CCDC50: variants seen among roughly 807,000 people sequenced by gnomAD.
CCDC50 encodes coiled-coil domain containing 50, also known as coiled-coil domain-containing protein 50.
In CCDC50, 54 loss-of-function variants were observed where a neutral mutation model predicts 70.2. The ratio of observed to expected loss-of-function variants is 0.77; its 90% CI spans 0.62 to 0.96. The LOEUF (loss-of-function observed/expected upper bound fraction) is 0.96. Ranked by LOEUF, CCDC50 falls within the 50% of genes least tolerant of loss-of-function variation. CCDC50 has a pLI of 0.00. For missense variants in CCDC50, 558 were observed against 578.7 expected, an observed-to-expected ratio of 0.96 and a Z score of 0.37; for synonymous variants, 216 against 198.8, an observed-to-expected ratio of 1.09 and a Z score of -0.73.
chr3:191,342,776 T>G (rs1232087752), intron 1 of CCDC50, among the ~76,000 whole-genome samples: 1 of 152,204 alleles, frequency 6.6e-6, no homozygotes, highest in African/African-American at 2.4e-5. Flanking sequence ...GGAATAAAAA[T>G]AAAATGAATT....
chr3:191,335,551 T>C (rs534698082), intron 1 of CCDC50, among the ~76,000 whole-genome samples: 2 of 152,270 alleles, frequency 1.3e-5, no homozygotes, highest in African/African-American at 2.4e-5. Flanking sequence ...TTCTCAGATA[T>C]TGCTTTTAAA....
At position 191,394,956 on chromosome 3, in the gene CCDC50, G is replaced by A. The variant is rs958642664; in HGVS notation, c.*3196G>A. 8 of 152,128 alleles carry A rather than the reference G, an allele frequency of 5.3e-5. No individual in the cohort carries two copies. Among genetic ancestry groups the A allele is most frequent in the African/African-American group, 1.9e-4 (8 of 41,430 alleles). The allele number at this position is 152,128 out of a possible 1,614,324, so 9.4% of individuals were successfully genotyped here. On this transcript the variant is annotated 3_prime_UTR_variant, in exon 12 of 12. Transcript: ENST00000392455. Reference sequence around the variant, plus strand: ...TTCCCAAGTTACTTTACAACCAGCAGCAGCATACCAATAAATTACAAAAGC... The same window carrying A: ...TTCCCAAGTTACTTTACAACCAGCAACAGCATACCAATAAATTACAAAAGC...
chr3:191,346,962 C>T (rs947398841), intron 1 of CCDC50, among the ~76,000 whole-genome samples: 1 of 99,014 alleles, frequency 1.0e-5, no homozygotes, highest in Non-Finnish European at 2.5e-5. Flanking sequence ...CCCAGTCTGC[C>T]ATTTAGGACC....
chr3:191,389,701 A>G, intron 11 of CCDC50, 99 bp downstream of exon 11: 1 of 896,670 alleles, frequency 1.1e-6, no homozygotes, highest in African/African-American at 1.6e-5. Flanking sequence ...CTAGAGTGGA[A>G]AAATAAGTTA....
rs1457833226 is a variant in CCDC50, at chr3:191,396,188, T to C, written c.*4428T>C. 6.6e-6 allele frequency: 1 copy of C among 152,186 alleles called. No individual in the cohort carries two copies. The highest frequency in any genetic ancestry group is 1.5e-5 in the Non-Finnish European group (1 of 68,002). 9.4% of individuals were successfully genotyped at this position (152,186 alleles called of 1,614,324 possible). ...TCACTTTTACAATGAGACCTGCACT[T>C]TATGCCAGCACTGTTTGTGAGGAGC... is the stretch of plus-strand genomic sequence containing the variant. On this transcript the variant is annotated 3_prime_UTR_variant, in exon 12 of 12. Transcript: ENST00000392455.
At chr3:191,354,292 C>T (rs1309879990) in intron 1 of CCDC50, among the ~76,000 whole-genome samples, 4 of 152,134 alleles carry the variant, frequency 2.6e-5, no homozygotes, top group South Asian at 2.1e-4. Context: ...TGCCCCTCTT[C>T]GTCTCTCTGG....
chr3:191,344,799 G>A (rs1230067785), intron 1 of CCDC50, among the ~76,000 whole-genome samples: 5 of 152,124 alleles, frequency 3.3e-5, no homozygotes, highest in East Asian at 1.9e-4. Flanking sequence ...GGCTGGTCTC[G>A]AACTCGGGAG....
chr3:191,370,688 C>T (rs1028728329), intron 5 of CCDC50, among the ~76,000 whole-genome samples: 3 of 151,838 alleles, frequency 2.0e-5, no homozygotes, highest in Non-Finnish European at 4.4e-5. Context: ...GAGGTTTCAC[C>T]ATGTTGGCCA....
Position 191,352,137 on chromosome 3 carries a change from G to A in CCDC50, c.50-4951G>A, listed in dbSNP as rs913027057. Among the ~76,000 whole-genome samples, 2 of 141,796 alleles carry A rather than the reference G, an allele frequency of 1.4e-5. 1 individual carries two copies. The highest frequency in any genetic ancestry group is 4.4e-4 in the South Asian group (2 of 4,540). The allele number at this position is 141,796 out of a possible 152,430, so 93.0% of individuals were successfully genotyped here. A position where few individuals can be genotyped will look rare whatever the true frequency, so the allele number is the denominator to read the frequency against. Reference sequence around the variant, plus strand: ...AGAATTTTCTTTAGTACAACTAATTGTCTTTAGTACAGTGTTTATTAACTT... The same window carrying A: ...AGAATTTTCTTTAGTACAACTAATTATCTTTAGTACAGTGTTTATTAACTT... On this transcript the variant is annotated intron_variant, in intron 1 of 11. Coordinates refer to ENST00000392455, the MANE Select transcript of CCDC50 (RefSeq NM_178335.3).
intron 10 of CCDC50, among the ~76,000 whole-genome samples, chr3:191,386,216 ATTTTTT>A (rs76983981): frequency 4.8e-5 from 6 of 125,736 alleles, no homozygotes; most frequent in African/African-American, 2.2e-4. Context: ...TAGTATGGGC[ATTTTTT>A]TTTTTTTTTT....
chr3:191,362,562 G>A (rs1482799499), intron 4 of CCDC50, among the ~76,000 whole-genome samples: 1 of 152,206 alleles, frequency 6.6e-6, no homozygotes, highest in African/African-American at 2.4e-5. Flanking sequence ...ATTTTTAATA[G>A]TTGGATAACA....
chr3:191,375,686 T>C lies in CCDC50; in HGVS notation c.976+97T>C, dbSNP rs4677730. ...ACCTTAAGCAACCTTTCTTTCTCTCTAGTTCATGCTCATGACTTTGAAATA... is the reference window on the plus strand; with the variant it reads ...ACCTTAAGCAACCTTTCTTTCTCTCCAGTTCATGCTCATGACTTTGAAATA... On this transcript the variant is annotated intron_variant, in intron 6 of 11. Transcript: ENST00000392455. The C allele has an allele frequency of 0.4, 502,574 of 1,243,410 alleles. 104,068 individuals carry two copies. The highest frequency in any genetic ancestry group is 0.68 in the African/African-American group (45,043 of 66,086). The allele number at this position is 1,243,410 out of a possible 1,614,324, so 77.0% of individuals were successfully genotyped here.
At chr3:191,338,796 C>G (rs1281924416) in intron 1 of CCDC50, among the ~76,000 whole-genome samples, 3 of 152,178 alleles carry the variant, frequency 2.0e-5, no homozygotes, top group Non-Finnish European at 4.4e-5. Context: ...TTGTGATTGA[C>G]AACACCTGAA....
intron 1 of CCDC50, among the ~76,000 whole-genome samples, chr3:191,342,527 T>C (rs534763545): frequency 6.6e-6 from 1 of 152,306 alleles, no homozygotes; most frequent in Non-Finnish European, 1.5e-5. Context: ...TAAACTAAAA[T>C]GGTTTTTCTT....
chr3:191,371,075 C>G (rs1194038324), intron 5 of CCDC50, among the ~76,000 whole-genome samples: 1 of 152,092 alleles, frequency 6.6e-6, no homozygotes, highest in Non-Finnish European at 1.5e-5. Flanking sequence ...TGCTTTCTTG[C>G]CTTTTAAACC....
At chr3:191,368,392 A>T (rs554676945) in intron 4 of CCDC50, among the ~76,000 whole-genome samples, 1 of 152,070 alleles carries the variant, frequency 6.6e-6, no homozygotes, top group Non-Finnish European at 1.5e-5. Flanking sequence ...TATCAAAAAA[A>T]TACGTATATA....
chr3:191,389,684 T>C (rs1276157958), intron 11 of CCDC50, 82 bp downstream of exon 11: 1 of 1,042,962 alleles, frequency 9.6e-7, no homozygotes, highest in Admixed American at 1.7e-5. Context: ...TCAAATTCTG[T>C]GTTCCACTAG....
At chr3:191,379,920 G>T (rs1713251810) in intron 6 of CCDC50, among the ~76,000 whole-genome samples, 1 of 152,040 alleles carries the variant, frequency 6.6e-6, no homozygotes, top group Non-Finnish European at 1.5e-5. Context: ...TGTGAGAGGG[G>T]ACTTTTTACC....
intron 1 of CCDC50, among the ~76,000 whole-genome samples, chr3:191,337,091 A>G (rs1226912290): frequency 2.0e-5 from 3 of 152,202 alleles, no homozygotes; most frequent in Admixed American, 1.3e-4. Flanking sequence ...TACATACTGT[A>G]GAGGCAGAGA....
Sources: allele counts gnomAD v4.1 joint callset (sites outside exome capture counted in the v4.1 genomes callset), GRCh38; gene constraint gnomAD v4.1.1; transcripts MANE v1.5; gene names NCBI Gene and HGNC (gene_info 2026-07-23, HGNC 2026-07-21).